NTM: variants seen among roughly 807,000 people sequenced by gnomAD.
NTM encodes neurotrimin.
In NTM, 13 loss-of-function variants were observed where a neutral mutation model predicts 42.1. The observed-to-expected ratio is 0.31, with a 90% CI of 0.20 to 0.49. The LOEUF is 0.49. NTM is among the 20% of genes least tolerant of loss of function. The probability of loss-of-function intolerance (pLI) is 0.99; values close to 1 mark genes in which losing one functional copy is unlikely to be tolerated. For missense variants in NTM, 373 were observed against 452.8 expected (o/e 0.82, Z 1.60); for synonymous variants, 187 against 179.2 (o/e 1.04, Z -0.35).
chr11:131,600,528 G>C (rs1053255064), intron 1 of NTM, among the ~76,000 whole-genome samples: 3 of 152,142 alleles, frequency 2.0e-5, no homozygotes, highest in Non-Finnish European at 4.4e-5. Context: ...ATTTTAATAA[G>C]CCTTTTAAAA....
intron 1 of NTM, among the ~76,000 whole-genome samples, chr11:131,584,256 A>T (rs1289750007): frequency 6.6e-6 from 1 of 152,216 alleles, no homozygotes; most frequent in Non-Finnish European, 1.5e-5. Context: ...CAATAATTGC[A>T]GTGTGAAAAG....
chr11:132,165,430 T>C (rs981482183), intron 3 of NTM, among the ~76,000 whole-genome samples: 2 of 152,208 alleles, frequency 1.3e-5, no homozygotes, highest in Admixed American at 1.3e-4. Flanking sequence ...CCCATTTACC[T>C]AACTTATTGC....
At chr11:131,844,225 G>C (rs2044645776) in intron 1 of NTM, among the ~76,000 whole-genome samples, 1 of 152,118 alleles carries the variant, frequency 6.6e-6, no homozygotes, top group African/African-American at 2.4e-5. Context: ...TGAGACAGGG[G>C]CCTTGGGAGC....
chr11:131,506,044 C>T (rs888514647), intron 1 of NTM, among the ~76,000 whole-genome samples: 24 of 151,834 alleles, frequency 1.6e-4, no homozygotes, highest in African/African-American at 3.4e-4. Flanking sequence ...GTTATCACTC[C>T]GGGAATGGAG....
At chr11:131,834,242 T>C (rs1241494039) in intron 1 of NTM, among the ~76,000 whole-genome samples, 1 of 152,194 alleles carries the variant, frequency 6.6e-6, no homozygotes, top group Non-Finnish European at 1.5e-5. Flanking sequence ...TGAAATTCAG[T>C]AGTAATCAGG....
chr11:131,632,188 T>A (rs963092167), intron 1 of NTM, among the ~76,000 whole-genome samples: 84 of 152,318 alleles, frequency 5.5e-4, no homozygotes, highest in Non-Finnish European at 9.7e-4. Flanking sequence ...GATAGCATTT[T>A]TTTAAGTTGG....
At chr11:131,607,397 A>G (rs1412090177) in intron 1 of NTM, among the ~76,000 whole-genome samples, 2 of 152,214 alleles carry the variant, frequency 1.3e-5, no homozygotes, top group African/African-American at 4.8e-5. Context: ...TTGCTTCAGT[A>G]GGTTATCCTT....
intron 1 of NTM, among the ~76,000 whole-genome samples, chr11:131,645,157 C>A (rs749923216): frequency 5.9e-5 from 9 of 152,146 alleles, no homozygotes; most frequent in Non-Finnish European, 1.3e-4. Flanking sequence ...ATATTATTAA[C>A]CATTTCATAG....
At chr11:131,476,095 G>T (rs10894402) in intron 1 of NTM, among the ~76,000 whole-genome samples, 76,249 of 151,838 alleles carry the variant, frequency 0.5, 19,261 homozygotes, top group Admixed American at 0.59. Flanking sequence ...AGGGAGGAAA[G>T]CCTGTGTATT....
chr11:131,839,988 A>G (rs2044025197), intron 1 of NTM, among the ~76,000 whole-genome samples: 1 of 152,252 alleles, frequency 6.6e-6, no homozygotes, highest in African/African-American at 2.4e-5. Flanking sequence ...GGACAACTGG[A>G]GGATGGACTT....
intron 1 of NTM, among the ~76,000 whole-genome samples, chr11:131,846,650 T>A (rs1009737192): frequency 1.4e-4 from 21 of 152,182 alleles, no homozygotes; most frequent in Admixed American, 1.4e-3. Context: ...CTATTGTATA[T>A]GTTATTACTT....
chr11:131,392,196 ACT>A (rs894954978), intron 1 of NTM, among the ~76,000 whole-genome samples: 7 of 152,186 alleles, frequency 4.6e-5, no homozygotes, highest in Non-Finnish European at 7.3e-5. Context: ...ATACGCATTG[ACT>A]CTGCTGCCGC....
At chr11:131,834,800 G>A (rs1183773521) in intron 1 of NTM, among the ~76,000 whole-genome samples, 4 of 151,750 alleles carry the variant, frequency 2.6e-5, no homozygotes, top group African/African-American at 9.7e-5. Context: ...TTTTTGATCT[G>A]TAGCCCATAA....
intron 1 of NTM, among the ~76,000 whole-genome samples, chr11:131,751,319 GCTCA>G (rs1167310277): frequency 5.9e-5 from 9 of 151,858 alleles, no homozygotes; most frequent in Non-Finnish European, 1.3e-4. Flanking sequence ...GGGCACGGTG[GCTCA>G]CGCCACCGTG....
intron 1 of NTM, among the ~76,000 whole-genome samples, chr11:131,840,290 T>A (rs1033282969): frequency 6.6e-5 from 10 of 152,028 alleles, no homozygotes; most frequent in African/African-American, 2.4e-4. Flanking sequence ...AAGGATTAGG[T>A]GAGCAAATGA....
intron 1 of NTM, among the ~76,000 whole-genome samples, chr11:131,786,771 T>A (rs994764395): frequency 3.9e-5 from 6 of 152,218 alleles, no homozygotes; most frequent in African/African-American, 1.4e-4. Context: ...ATTCCCATCA[T>A]CAACACTGGT....
chr11:132,205,919 A>G (rs2081925285), intron 3 of NTM, among the ~76,000 whole-genome samples: 2 of 152,144 alleles, frequency 1.3e-5, no homozygotes, highest in Admixed American at 6.5e-5. Flanking sequence ...GTTCTCCCCA[A>G]AAGTAGTTCC....
intron 1 of NTM, among the ~76,000 whole-genome samples, chr11:131,532,113 C>T (rs369937): frequency 0.68 from 103,636 of 152,092 alleles, 38,342 homozygotes; most frequent in Non-Finnish European, 0.83. Flanking sequence ...CCATTTTAAA[C>T]GTAAAATTTA....
chr11:131,459,338 T>C (rs1303015408), intron 1 of NTM, among the ~76,000 whole-genome samples: 1 of 152,234 alleles, frequency 6.6e-6, no homozygotes, highest in Non-Finnish European at 1.5e-5. Flanking sequence ...TTTTAAACTA[T>C]CTTATAGATG....
Sources: gnomAD v4.1 joint callset for allele counts (sites outside exome capture counted in the v4.1 genomes callset) on GRCh38, gnomAD v4.1.1 for gene constraint, MANE v1.5 for transcripts, NCBI Gene and HGNC (gene_info 2026-07-23, HGNC 2026-07-21) for gene names.